The following UNC80 variants were observed in gnomAD, a reference collection of about 807,000 sequenced individuals.
The protein encoded by UNC80 is protein unc-80 homolog.
In UNC80, 164 loss-of-function variants were observed where a neutral mutation model predicts 384.6. The observed-to-expected ratio is 0.43, with a 90% CI of 0.38 to 0.49. The LOEUF is 0.49. Ranked by LOEUF, UNC80 falls within the 20% of genes least tolerant of loss-of-function variation. UNC80 has a pLI of 0.00. For missense variants in UNC80, 3,330 were observed against 4,143.0 expected, an observed-to-expected ratio of 0.80 and a Z score of 5.39; for synonymous variants, 1,486 against 1,527.8, an observed-to-expected ratio of 0.97 and a Z score of 0.64.
chr2:209,895,563 T>G (rs1327210934), intron 27 of UNC80, among the ~76,000 whole-genome samples: 1 of 152,190 alleles, frequency 6.6e-6, no homozygotes, highest in East Asian at 1.9e-4. Flanking sequence ...ATCAGTTAAT[T>G]TGGGGAAAAA....
chr2:209,785,738 T>A (rs1274109652), intron 4 of UNC80, among the ~76,000 whole-genome samples: 1 of 152,122 alleles, frequency 6.6e-6, no homozygotes, highest in East Asian at 1.9e-4. Flanking sequence ...AGTGAAGAGA[T>A]CTGCCAAGGC....
At chr2:209,963,993 C>T (rs116763821) in intron 51 of UNC80, among the ~76,000 whole-genome samples, 1 of 152,278 alleles carries the variant, frequency 6.6e-6, no homozygotes, top group Non-Finnish European at 1.5e-5. Context: ...TGGAGCCAGT[C>T]ACATAAAGCA....
chr2:209,788,885 A>G (rs2077621482), intron 5 of UNC80, among the ~76,000 whole-genome samples: 1 of 152,160 alleles, frequency 6.6e-6, no homozygotes, highest in Admixed American at 6.5e-5. Flanking sequence ...CCAGAGCAAC[A>G]CCCATTCCTG....
chr2:209,822,462 T>C (rs1021668130), intron 13 of UNC80, among the ~76,000 whole-genome samples: 5 of 152,202 alleles, frequency 3.3e-5, no homozygotes, highest in Non-Finnish European at 4.4e-5. Context: ...GGTGAGATTC[T>C]TACTGAATTT....
intron 42 of UNC80, among the ~76,000 whole-genome samples, chr2:209,938,684 C>G (rs969850138): frequency 4.7e-5 from 5 of 105,780 alleles, no homozygotes; most frequent in Non-Finnish European, 9.5e-5. Context: ...CTGTCTCTCT[C>G]TCTCTCTCTC....
chr2:209,836,088 C>CATGAATGAATGA (rs57160356), intron 18 of UNC80, among the ~76,000 whole-genome samples: 5,265 of 151,322 alleles, frequency 0.035, 290 homozygotes, highest in African/African-American at 0.12. Flanking sequence ...ATCTATATTT[C>CATGAATGAATGA]ATGAATGAAT....
rs1052011601 is a variant in UNC80 at position 209,912,575 on chromosome 2, T to C, written c.4798T>C (p.Cys1600Arg). 1.3e-6 allele frequency: 2 copies of C among 1,551,192 alleles called. No homozygotes were observed. Among genetic ancestry groups the C allele is most frequent in the East Asian group, 2.4e-5 (1 of 40,880 alleles). The change falls in exon 30 of 65, where the codon TGC becomes CGC. Residue 1600 changes from cysteine (C) to arginine (R), a missense_variant. Coordinates refer to ENST00000673920, the MANE Select transcript of UNC80 (RefSeq NM_001371986.1). ...KKQKECSDKS[C>R]LRTPSLKKRV... ...GTCTTTTCAGTGCTCAGATAAGTCA[T>C]GCCTGAGGACACCTTCTCTAAAGAA...
intron 45 of UNC80, among the ~76,000 whole-genome samples, 161 bp downstream of exon 45, chr2:209,943,675 AAAGGAG>A (rs1307946330): frequency 6.6e-6 from 1 of 152,200 alleles, no homozygotes; most frequent in African/African-American, 2.4e-5. Context: ...TATAGTGAAA[AAAGGAG>A]AAGCTTCAGG....
chr2:209,853,750 G>A (rs1469311195), intron 22 of UNC80, among the ~76,000 whole-genome samples: 1 of 152,066 alleles, frequency 6.6e-6, no homozygotes, highest in Non-Finnish European at 1.5e-5. Flanking sequence ...TTTGTAACAT[G>A]CACAAGCAGT....
At chr2:209,912,532 C>A in intron 29 of UNC80, 28 bp from the exon 30 acceptor site, 3 of 1,485,960 alleles carry the variant, frequency 2.0e-6, no homozygotes, top group Non-Finnish European at 2.7e-6. Context: ...ACACATCACT[C>A]TTCATTACAT....
chr2:209,810,847 A>G (rs2079295205), intron 7 of UNC80, among the ~76,000 whole-genome samples: 1 of 152,186 alleles, frequency 6.6e-6, no homozygotes, highest in South Asian at 2.1e-4. Context: ...AAATCAAATG[A>G]TTTTCACAAA....
intron 40 of UNC80, among the ~76,000 whole-genome samples, chr2:209,936,142 T>C (rs1208791722): frequency 1.3e-5 from 2 of 152,176 alleles, no homozygotes; most frequent in Admixed American, 1.3e-4. Flanking sequence ...TTACTACTCC[T>C]TTTGTCCTCA....
chr2:209,825,783 C>A, intron 13 of UNC80, 124 bp from the exon 14 acceptor site: 1 of 865,122 alleles, frequency 1.2e-6, no homozygotes, highest in Non-Finnish European at 1.6e-6. Context: ...ATTCTGTTTT[C>A]CAAATTGCAG....
At chr2:209,873,081 C>A in intron 23 of UNC80, 111 bp downstream of exon 23, 2 of 1,000,126 alleles carry the variant, frequency 2.0e-6, no homozygotes, top group Non-Finnish European at 3.0e-6. Context: ...TTGTTATGTA[C>A]CAGGTACTGA....
intron 43 of UNC80, 52 bp downstream of exon 43, chr2:209,939,704 TG>T: frequency 2.8e-6 from 4 of 1,443,760 alleles, no homozygotes; most frequent in Admixed American, 2.7e-5. Flanking sequence ...ACACACTTGT[TG>T]TTTTTTTTTA....
Position 209,777,332 on chromosome 2 carries a change from C to A in UNC80, c.373C>A (p.Gln125Lys), listed in dbSNP as rs1420694982. ...TLHWMLLEAPQDCNNERFGGT... is the reference protein window; with the variant it reads ...TLHWMLLEAPKDCNNERFGGT... ...ACACTGGATGCTTCTGGAGGCCCCCCAGGACTGCAACAATGAGCGGTTTGG... is the reference window on the plus strand; with the variant it reads ...ACACTGGATGCTTCTGGAGGCCCCCAAGGACTGCAACAATGAGCGGTTTGG... The change falls in exon 4 of 65, where the codon CAG (glutamine) becomes AAG (lysine). Residue 125 changes from glutamine to lysine, a missense_variant. Physicochemically the swap from Gln to Lys is moderately conservative, Grantham distance 53 (BLOSUM62 1). Coordinates refer to ENST00000673920, the MANE Select transcript of UNC80 (RefSeq NM_001371986.1). 2.5e-6 allele frequency: 4 copies of A among 1,614,080 alleles called. No individual in the cohort carries two copies. The highest frequency in any genetic ancestry group is 3.3e-5 in the Admixed American group (2 of 60,002).
At chr2:209,886,759 C>T (rs1262684596) in intron 25 of UNC80, among the ~76,000 whole-genome samples, 1 of 152,196 alleles carries the variant, frequency 6.6e-6, no homozygotes, top group Non-Finnish European at 1.5e-5. Flanking sequence ...TTACTTAATC[C>T]TCAAGACTTA....
At chr2:209,869,877 T>G (rs894304077) in intron 22 of UNC80, among the ~76,000 whole-genome samples, 1 of 152,230 alleles carries the variant, frequency 6.6e-6, no homozygotes, top group African/African-American at 2.4e-5. Context: ...GAGAAGTTTT[T>G]GAGCACAGGA....
intron 35 of UNC80, among the ~76,000 whole-genome samples, chr2:209,923,139 C>T (rs1045401457): frequency 2.0e-5 from 3 of 152,112 alleles, no homozygotes; most frequent in Non-Finnish European, 2.9e-5. Context: ...GGCTGAGAAG[C>T]GAGTGTCTTT....
Sources: allele counts gnomAD v4.1 joint callset (sites outside exome capture counted in the v4.1 genomes callset), GRCh38; gene constraint gnomAD v4.1.1; transcripts MANE v1.5; gene names NCBI Gene and HGNC (gene_info 2026-07-23, HGNC 2026-07-21).